The following PTPRG variants were observed in gnomAD, a reference collection of about 807,000 sequenced individuals.
The protein encoded by PTPRG is receptor-type tyrosine-protein phosphatase gamma.
PTPRG carries 102 observed loss-of-function variants against 165.3 expected under a neutral mutation model. The ratio of observed to expected loss-of-function variants is 0.62; its 90% CI spans 0.53 to 0.73. The LOEUF is 0.73. Among genes scored for constraint, PTPRG ranks in the 30% least tolerant of loss-of-function variants. The pLI, the probability that PTPRG is intolerant of heterozygous loss-of-function variation, is 0.00. For missense variants in PTPRG, 1,866 were observed against 1,861.4 expected (o/e 1.00, Z -0.05); for synonymous variants, 675 against 669.5 (o/e 1.01, Z -0.13).
chr3:61,688,681 A>C (rs1298286752), intron 1 of PTPRG, among the ~76,000 whole-genome samples: 2 of 152,176 alleles, frequency 1.3e-5, no homozygotes, highest in Non-Finnish European at 2.9e-5. Context: ...AAAGGACTTA[A>C]CGCTTATGTT....
At chr3:62,152,239 A>G (rs1704363443) in intron 6 of PTPRG, among the ~76,000 whole-genome samples, 1 of 151,344 alleles carries the variant, frequency 6.6e-6, no homozygotes, top group Non-Finnish European at 1.5e-5. Context: ...AGGCATGGTG[A>G]TACAAGCCTA....
chr3:62,200,396 G>A (rs1188920424), intron 10 of PTPRG, among the ~76,000 whole-genome samples: 1 of 151,662 alleles, frequency 6.6e-6, no homozygotes, highest in East Asian at 1.9e-4. Flanking sequence ...TCAGCCTCCC[G>A]AGTAGCTGGG....
chr3:61,990,866 T>G (rs533882817), intron 3 of PTPRG, among the ~76,000 whole-genome samples: 1 of 151,778 alleles, frequency 6.6e-6, no homozygotes, highest in African/African-American at 2.4e-5. Flanking sequence ...CCTAGCCCTT[T>G]GGTGCTATTC....
intron 11 of PTPRG, among the ~76,000 whole-genome samples, chr3:62,202,371 G>C (rs9827286): frequency 0.17 from 25,151 of 152,100 alleles, 4,030 homozygotes; most frequent in African/African-American, 0.4. Context: ...CTCTGTGTCT[G>C]AGTTTCCTCA....
At chr3:61,592,530 A>G (rs970658653) in intron 1 of PTPRG, among the ~76,000 whole-genome samples, 5 of 152,054 alleles carry the variant, frequency 3.3e-5, no homozygotes, top group African/African-American at 7.2e-5. Flanking sequence ...GCAGCATGCA[A>G]TTTTTGTTTT....
intron 2 of PTPRG, among the ~76,000 whole-genome samples, chr3:61,882,527 A>G (rs1361120421): frequency 1.3e-5 from 2 of 152,172 alleles, no homozygotes; most frequent in African/African-American, 4.8e-5. Flanking sequence ...TGAGGTACTA[A>G]GGGCTTTTAT....
At chr3:62,250,493 C>T (rs2106969980) in intron 15 of PTPRG, among the ~76,000 whole-genome samples, 1 of 152,216 alleles carries the variant, frequency 6.6e-6, no homozygotes, top group Non-Finnish European at 1.5e-5. Context: ...TTTCTAATAT[C>T]AAATAAAAAA....
At chr3:61,932,693 G>C (rs1485037750) in intron 2 of PTPRG, among the ~76,000 whole-genome samples, 1 of 152,176 alleles carries the variant, frequency 6.6e-6, no homozygotes, top group African/African-American at 2.4e-5. Context: ...TGCACAGTAA[G>C]GGCAAAAGGT....
At chr3:61,677,553 T>G (rs1239683987) in intron 1 of PTPRG, among the ~76,000 whole-genome samples, 2 of 152,246 alleles carry the variant, frequency 1.3e-5, no homozygotes, top group African/African-American at 2.4e-5. Context: ...GTATATTTAC[T>G]TATTAATTAT....
intron 2 of PTPRG, among the ~76,000 whole-genome samples, chr3:61,827,020 AG>A (rs1352529762): frequency 6.6e-6 from 1 of 152,174 alleles, no homozygotes; most frequent in Non-Finnish European, 1.5e-5. Context: ...TCAGGCAACT[AG>A]AATGAGAATA....
chr3:61,615,423 G>A (rs1193001955), intron 1 of PTPRG, among the ~76,000 whole-genome samples: 3 of 152,196 alleles, frequency 2.0e-5, no homozygotes, highest in Admixed American at 1.3e-4. Context: ...CAGGTTATGC[G>A]TTGGGACAGA....
chr3:62,224,315 C>T lies in PTPRG; in HGVS notation c.2288+5332C>T, dbSNP rs570997482. On this transcript the variant is annotated intron_variant, in intron 13 of 29. Transcript: ENST00000474889. The surrounding 1 kb of genome is among the most constrained non-coding windows in gnomAD (Gnocchi z 4.9). ...TTAATAACACACAAAGGTTTATTTCCCACCCACGTGAGGTCTGACAGGGTT... is the reference window on the plus strand; with the variant it reads ...TTAATAACACACAAAGGTTTATTTCTCACCCACGTGAGGTCTGACAGGGTT... Among the ~76,000 whole-genome samples the T allele has an allele frequency of 5.8e-4, 89 of 152,284 alleles. No individual in the cohort carries two copies. Among genetic ancestry groups the T allele is most frequent in the African/African-American group, 1.9e-3 (81 of 41,566 alleles).
At chr3:62,145,926 C>A (rs1023758704) in intron 6 of PTPRG, among the ~76,000 whole-genome samples, 1 of 152,188 alleles carries the variant, frequency 6.6e-6, no homozygotes, top group Non-Finnish European at 1.5e-5. Flanking sequence ...CCAGCATCGA[C>A]TAACTTTCTG....
intron 4 of PTPRG, among the ~76,000 whole-genome samples, chr3:62,053,934 T>C (rs1700547488): frequency 6.6e-6 from 1 of 152,134 alleles, no homozygotes; most frequent in Non-Finnish European, 1.5e-5. Flanking sequence ...TACGGTGAAA[T>C]GTTCAAATAT....
At chr3:61,874,640 T>TG (rs1324370815) in intron 2 of PTPRG, among the ~76,000 whole-genome samples, 2 of 152,140 alleles carry the variant, frequency 1.3e-5, no homozygotes, top group East Asian at 3.9e-4. Flanking sequence ...TATTTGGCAA[T>TG]GTTTGAAGGC....
chr3:61,600,171 AAAATATATATAT>A (rs1327364116), intron 1 of PTPRG, among the ~76,000 whole-genome samples: 1 of 107,230 alleles, frequency 9.3e-6, no homozygotes, highest in African/African-American at 3.6e-5. Context: ...AAAAAAAAAA[AAAATATATATAT>A]ATATATATAT....
At chr3:62,086,027 A>G (rs1701742080) in intron 5 of PTPRG, among the ~76,000 whole-genome samples, 1 of 152,206 alleles carries the variant, frequency 6.6e-6, no homozygotes, top group South Asian at 2.1e-4. Flanking sequence ...ATTATATCTT[A>G]TGTATATTTT....
At chr3:61,567,474 C>T (rs889989823) in intron 1 of PTPRG, among the ~76,000 whole-genome samples, 4 of 152,010 alleles carry the variant, frequency 2.6e-5, no homozygotes, top group African/African-American at 9.7e-5. Flanking sequence ...AAGTTCGAGA[C>T]CAGCCAGGGC....
At position 61,901,908 on chromosome 3, in the gene PTPRG, A is replaced by C. The variant is rs142044082; in HGVS notation, c.191-87717A>C. 4.7e-4 allele frequency among the ~76,000 whole-genome samples: 71 copies of C among 152,382 alleles called. 1 individual carries two copies. The East Asian group carries it at 0.013, about 27-fold the overall frequency. ...ACCTCTTTAATAAAAAGGATGTTTT[A>C]AAATGATATTACCTGATAATTATGC... On this transcript the variant is annotated intron_variant, in intron 2 of 29. Coordinates refer to ENST00000474889, the MANE Select transcript of PTPRG (RefSeq NM_002841.4).
Sources: allele counts gnomAD v4.1 joint callset (sites outside exome capture counted in the v4.1 genomes callset), GRCh38; gene constraint gnomAD v4.1.1; non-coding constraint Gnocchi (gnomAD v3.1); transcripts MANE v1.5; gene names NCBI Gene and HGNC (gene_info 2026-07-23, HGNC 2026-07-21).